Variants in VPS9D1 observed in about 807,000 individuals in gnomAD.
VPS9D1 encodes VPS9 domain-containing protein 1.
VPS9D1 carries 78 observed loss-of-function variants against 75.8 expected under a neutral mutation model. That is an observed-to-expected ratio of 1.03 (90% confidence interval 0.86 to 1.24). The LOEUF (loss-of-function observed/expected upper bound fraction) is 1.24, where lower values mean the gene tolerates loss of function less well. Ranked by LOEUF, VPS9D1 falls within the 50% of genes most tolerant of loss-of-function variation. The pLI is 0.00. For missense variants in VPS9D1, 1,057 were observed against 847.7 expected (o/e 1.25, Z -3.07); for synonymous variants, 481 against 385.6 (o/e 1.25, Z -2.90).
Position 89,709,398 on chromosome 16 carries a change from T to G in VPS9D1, c.1426A>C (p.Ser476Arg). 6.5e-7 allele frequency: 1 copy of G among 1,534,114 alleles called. No individual in the cohort carries two copies. The highest frequency in any genetic ancestry group is 8.7e-7 in the Non-Finnish European group (1 of 1,146,604). Residue 476 changes from serine (S) to arginine (R), a missense_variant, in exon 12 of 15, where the codon AGC becomes CGC. By Grantham distance (110) the Ser-to-Arg change is moderately radical. Coordinates refer to ENST00000389386, the MANE Select transcript of VPS9D1 (RefSeq NM_004913.3). ...GGTGCATTCCTGTAGAGCTCCATGC[T>G]CCTGCTCAGGGCAGCCTCCCGGGCT... Reference protein sequence around the residue: ...HRAREAALSRSMELYRNAPPT... With the variant: ...HRAREAALSRRMELYRNAPPT...
chr16:89,710,507 C>G (rs1242496249), intron 10 of VPS9D1, 79 bp downstream of exon 10: 31 of 1,461,696 alleles, frequency 2.1e-5, no homozygotes, highest in Non-Finnish European at 2.8e-5. Context: ...CAGACCCTTC[C>G]CCAAACAGAA....
chr16:89,709,672 G>A, intron 11 of VPS9D1, 105 bp downstream of exon 11: 1 of 1,553,564 alleles, frequency 6.4e-7, no homozygotes, highest in Non-Finnish European at 8.8e-7. Flanking sequence ...CACGAGTCTT[G>A]GGGATGGAGG....
intron 4 of VPS9D1, among the ~76,000 whole-genome samples, chr16:89,715,866 G>T (rs570873553): frequency 6.6e-6 from 1 of 151,674 alleles, no homozygotes; most frequent in African/African-American, 2.4e-5. Flanking sequence ...TAGTAAAGAC[G>T]GGGTTTTACC....
At position 89,711,869 on chromosome 16, in the gene VPS9D1, G is replaced by A. The variant is rs1218739019; in HGVS notation, c.747+13C>T. On this transcript the variant is annotated intron_variant, in intron 8 of 14. Transcript: ENST00000389386. ...GGCTCCTCCTACAAAGCCTGGGCCC[G>A]TGGGGGACGCACATGGTCCTGTTCG... 1 of 1,549,722 alleles carries A rather than the reference G, an allele frequency of 6.5e-7. No homozygotes were observed. Among genetic ancestry groups the A allele is most frequent in the Non-Finnish European group, 8.7e-7 (1 of 1,146,218 alleles).
intron 10 of VPS9D1, among the ~76,000 whole-genome samples, chr16:89,710,139 C>A (rs1314334569): frequency 6.6e-6 from 1 of 152,212 alleles, no homozygotes; most frequent in Non-Finnish European, 1.5e-5. Flanking sequence ...GAGAATGATC[C>A]TTTTCTCAAA....
Position 89,707,827 on chromosome 16 carries a change from C to T in VPS9D1, c.*34G>A. The T allele has an allele frequency of 6.2e-7, 1 of 1,602,832 alleles. No homozygotes were observed. On this transcript the variant is annotated 3_prime_UTR_variant, in exon 15 of 15. Coordinates refer to ENST00000389386, the MANE Select transcript of VPS9D1 (RefSeq NM_004913.3). ...GGAGAGACAGCCCTGGGAGGCGAGG[C>T]CAGGCCCTGCAGGGACCCTGGGCTC...
chr16:89,715,917 T>C (rs1306069223), intron 4 of VPS9D1, among the ~76,000 whole-genome samples: 1 of 151,822 alleles, frequency 6.6e-6, no homozygotes, highest in African/African-American at 2.4e-5. Context: ...CCTCAGGTGA[T>C]CTGCTCGCCT....
intron 4 of VPS9D1, chr16:89,712,977 G>C (rs960587336): frequency 1.6e-5 from 5 of 305,952 alleles, no homozygotes; most frequent in Admixed American, 4.8e-5. Flanking sequence ...CTGAGGTCAG[G>C]AGTTCGAGAC....
rs1450792878 is a variant in VPS9D1 at position 89,710,460 on chromosome 16, C to A, written c.1258+126G>T. The A allele has an allele frequency of 2.9e-6, 3 of 1,049,372 alleles. No homozygotes were observed. In the East Asian group the frequency reaches 7.9e-5, roughly 28 times the overall value. The allele number at this position is 1,049,372 out of a possible 1,614,324, so 65.0% of individuals were successfully genotyped here. A position where few individuals can be genotyped will look rare whatever the true frequency, so the allele number is the denominator to read the frequency against. On this transcript the variant is annotated intron_variant, in intron 10 of 14. Coordinates refer to ENST00000389386, the MANE Select transcript of VPS9D1 (RefSeq NM_004913.3). ...AAAATGAGAAGGGCTGAGGCGTGAGCTGGGTGGATGTAAGTCTGATCAGAG... is the reference window on the plus strand; with the variant it reads ...AAAATGAGAAGGGCTGAGGCGTGAGATGGGTGGATGTAAGTCTGATCAGAG...
intron 12 of VPS9D1, 43 bp from the exon 13 acceptor site, chr16:89,708,999 G>C: frequency 6.5e-7 from 1 of 1,545,702 alleles, no homozygotes; most frequent in Non-Finnish European, 8.7e-7. Context: ...ACCCCGTCCA[G>C]CAGCCTGAGC....
chr16:89,709,675 G>A (rs993075295), intron 11 of VPS9D1, 102 bp downstream of exon 11: 240 of 1,562,596 alleles, frequency 1.5e-4, no homozygotes, highest in Non-Finnish European at 2.0e-4. Context: ...GAGTCTTGGG[G>A]ATGGAGGGGA....
chr16:89,716,421 C>T (rs781740499), intron 4 of VPS9D1, 41 bp downstream of exon 4: 10 of 1,608,758 alleles, frequency 6.2e-6, no homozygotes, highest in Non-Finnish European at 8.5e-6. Flanking sequence ...CTCAAAAACC[C>T]AATCCCAGGC....
chr16:89,718,714 CTTTTCTT>C (rs1339052444), intron 2 of VPS9D1, among the ~76,000 whole-genome samples: 3 of 147,326 alleles, frequency 2.0e-5, no homozygotes, highest in Non-Finnish European at 4.6e-5. Flanking sequence ...TTTTCTTTTT[CTTTTCTT>C]TTTTTTTTTT....
At chr16:89,708,788 T>G in intron 13 of VPS9D1, 69 bp downstream of exon 13, 1 of 1,426,244 alleles carries the variant, frequency 7.0e-7, no homozygotes, top group Non-Finnish European at 9.4e-7. Flanking sequence ...AGGAAGATAG[T>G]CCCTCCCGTG....
At chr16:89,711,124 A>T in intron 9 of VPS9D1, 114 bp from the exon 10 acceptor site, 1 of 1,267,684 alleles carries the variant, frequency 7.9e-7, no homozygotes, top group Non-Finnish European at 1.1e-6. Context: ...CCTGACAGTG[A>T]ATGTTGGAAA....
intron 4 of VPS9D1, among the ~76,000 whole-genome samples, chr16:89,714,686 C>G (rs2061020175): frequency 1.3e-5 from 2 of 152,214 alleles, no homozygotes; most frequent in Non-Finnish European, 2.9e-5. Context: ...TTCATCAGTT[C>G]TAGACAACTG....
chr16:89,708,642 T>C (rs2060843709), intron 13 of VPS9D1, 111 bp from the exon 14 acceptor site: 2 of 1,238,606 alleles, frequency 1.6e-6, no homozygotes. Flanking sequence ...TGTGCCCTTC[T>C]GCGCAGAGGC....
intron 8 of VPS9D1, 199 bp from the exon 9 acceptor site, chr16:89,711,611 C>G: frequency 4.6e-6 from 3 of 652,246 alleles, no homozygotes; most frequent in South Asian, 3.9e-5. Context: ...TGGGCCTGCA[C>G]CCTCGCTGGG....
intron 2 of VPS9D1, 53 bp downstream of exon 2, chr16:89,718,974 A>G: frequency 4.6e-6 from 7 of 1,514,892 alleles, no homozygotes; most frequent in Non-Finnish European, 6.4e-6. Context: ...TCTGCCTCCC[A>G]CAGTGCTGGG....
Sources: gnomAD v4.1 joint callset for allele counts (sites outside exome capture counted in the v4.1 genomes callset) on GRCh38, gnomAD v4.1.1 for gene constraint, MANE v1.5 for transcripts, NCBI Gene and HGNC (gene_info 2026-07-23, HGNC 2026-07-21) for gene names.